The following SYNE1 variants were observed in gnomAD, a reference collection of about 807,000 sequenced individuals.
SYNE1 encodes nesprin-1.
SYNE1 carries 616 observed loss-of-function variants against 1,111.0 expected under a neutral mutation model. The observed-to-expected ratio is 0.55, with a 90% CI of 0.52 to 0.59. The LOEUF is 0.59. Among genes scored for constraint, SYNE1 ranks in the 20% least tolerant of loss-of-function variants. The probability of loss-of-function intolerance (pLI) is 0.00; values close to 1 mark genes in which losing one functional copy is unlikely to be tolerated. For synonymous variants in SYNE1, 3,855 were observed against 3,825.8 expected (o/e 1.01, Z -0.28); for missense variants, 10,006 against 10,417.0 (o/e 0.96, Z 1.72).
rs1180560616 is a variant in SYNE1, at chr6:152,206,256, T to C, written c.22931A>G (p.Gln7644Arg). Residue 7644 changes from glutamine to arginine, a missense_variant, in exon 126 of 146, where the codon CAG becomes CGG. This residue lies in a region of SYNE1 where 2,182 missense variants were observed against 2,287.8 expected (regional missense o/e 0.95). Coordinates refer to ENST00000367255, the MANE Select transcript of SYNE1 (RefSeq NM_182961.4). Reference sequence around the variant, plus strand: ...CTCTTGGATTTCAGCGAGTTCGGCCTGCAAGGCGGCCTCAGCGCCACTGTC... The same window carrying C: ...CTCTTGGATTTCAGCGAGTTCGGCCCGCAAGGCGGCCTCAGCGCCACTGTC... ...SADSGAEAAL[Q>R]AELAEIQEKW... 4 of 1,613,950 alleles carry C rather than the reference T, an allele frequency of 2.5e-6. No individual in the cohort carries two copies. The highest frequency in any genetic ancestry group is 2.5e-6 in the Non-Finnish European group (3 of 1,180,022).
chr6:152,392,037 C>T (rs565032385), intron 51 of SYNE1, among the ~76,000 whole-genome samples: 1 of 152,232 alleles, frequency 6.6e-6, no homozygotes, highest in South Asian at 2.1e-4. Flanking sequence ...TTCCTAGTTG[C>T]CTGTTCAAAG....
chr6:152,593,395 T>C (rs997155826), intron 3 of SYNE1, among the ~76,000 whole-genome samples: 1 of 152,088 alleles, frequency 6.6e-6, no homozygotes, highest in Non-Finnish European at 1.5e-5. Context: ...CCATCCTGGC[T>C]AACATGGTGA....
chr6:152,456,101 A>G (rs565631308), intron 22 of SYNE1, 57 bp from the exon 23 acceptor site: 259 of 1,572,374 alleles, frequency 1.6e-4, no homozygotes, highest in Middle Eastern at 5.6e-4. Flanking sequence ...TGAGAGAGAA[A>G]GAAAGAGAGT....
chr6:152,276,027 C>CTTTTTTTTTTTTTT (rs2093600414), intron 98 of SYNE1, among the ~76,000 whole-genome samples: 1 of 129,060 alleles, frequency 7.7e-6, no homozygotes, highest in African/African-American at 3.0e-5. Context: ...AAATTCTCGA[C>CTTTTTTTTTTTTTT]TTCTTTTTTT....
At chr6:152,499,310 C>T (rs908122050) in intron 10 of SYNE1, among the ~76,000 whole-genome samples, 10 of 151,766 alleles carry the variant, frequency 6.6e-5, no homozygotes, top group African/African-American at 1.7e-4. Context: ...TGACTGAGTG[C>T]TAATTATTCA....
At position 152,249,282 on chromosome 6, in the gene SYNE1, G is replaced by A; in HGVS notation, c.19471-20C>T. On this transcript the variant is annotated intron_variant, in intron 104 of 145. Transcript: ENST00000367255. ...ATCATTCTAAGGAGGAAAGCAACGG[G>A]AAAACTCAAAATGTGTAACAGGGAA... is the stretch of plus-strand genomic sequence containing the variant. The A allele has an allele frequency of 7.2e-7, 1 of 1,388,612 alleles. No homozygotes were observed. Among genetic ancestry groups the A allele is most frequent in the Non-Finnish European group, 1.0e-6 (1 of 974,396 alleles). The allele number at this position is 1,388,612 out of a possible 1,614,324, so 86.0% of individuals were successfully genotyped here.
rs1041384601 is a variant in SYNE1, at chr6:152,122,164, T to C, written c.*272A>G. The C allele has an allele frequency of 6.1e-6, 3 of 488,540 alleles. No individual in the cohort carries two copies. The highest frequency in any genetic ancestry group is 3.9e-5 in the African/African-American group (2 of 51,178). The allele number at this position is 488,540 out of a possible 1,614,324, so 30.3% of individuals were successfully genotyped here. A position where few individuals can be genotyped will look rare whatever the true frequency, so the allele number is the denominator to read the frequency against. ...CCAGAATTCATGAGTCCGGGGAACT[T>C]TGGAGGTCCTTACTCAATCTCCTTA... On this transcript the variant is annotated 3_prime_UTR_variant, in exon 146 of 146. Transcript: ENST00000367255.
intron 104 of SYNE1, 148 bp downstream of exon 104, chr6:152,254,732 A>T: frequency 2.5e-6 from 2 of 816,000 alleles, no homozygotes; most frequent in Non-Finnish European, 3.9e-6. Context: ...CTAATCCTTT[A>T]ATTCAACCCC....
At chr6:152,495,322 G>A (rs576932555) in intron 11 of SYNE1, among the ~76,000 whole-genome samples, 57 of 152,234 alleles carry the variant, frequency 3.7e-4, no homozygotes, top group Non-Finnish European at 5.6e-4. Context: ...GAAGGCCACC[G>A]CGGTCATCTC....
intron 131 of SYNE1, among the ~76,000 whole-genome samples, chr6:152,162,168 T>C (rs1199542998): frequency 6.6e-6 from 1 of 152,214 alleles, no homozygotes; most frequent in South Asian, 2.1e-4. Flanking sequence ...TCTTCCATTT[T>C]ACAGCTCAAT....
chr6:152,441,938 T>C, intron 31 of SYNE1, 137 bp downstream of exon 31: 5 of 1,034,806 alleles, frequency 4.8e-6, no homozygotes, highest in Non-Finnish European at 7.4e-6. Flanking sequence ...GATTAAAAGA[T>C]GGTTCATGTA....
intron 69 of SYNE1, among the ~76,000 whole-genome samples, chr6:152,352,727 G>A (rs2096764307): frequency 6.6e-6 from 1 of 152,122 alleles, no homozygotes. Flanking sequence ...TTAAAGAAAG[G>A]TTTCTCAAGG....
At chr6:152,322,777 A>T (rs944233590) in intron 82 of SYNE1, among the ~76,000 whole-genome samples, 1 of 152,106 alleles carries the variant, frequency 6.6e-6, no homozygotes, top group Admixed American at 6.6e-5. Flanking sequence ...GCAAAACTCA[A>T]TGCCTAGCTC....
At chr6:152,219,966 A>G (rs1342413147) in intron 119 of SYNE1, among the ~76,000 whole-genome samples, 1 of 152,272 alleles carries the variant, frequency 6.6e-6, no homozygotes, top group Non-Finnish European at 1.5e-5. Context: ...TGTGAGAGAA[A>G]GAAGAACAAA....
intron 108 of SYNE1, among the ~76,000 whole-genome samples, chr6:152,238,221 G>A (rs1284933837): frequency 6.6e-6 from 1 of 152,152 alleles, no homozygotes; most frequent in African/African-American, 2.4e-5. Flanking sequence ...GGTGTCATCA[G>A]GTAAGTTTCA....
At chr6:152,134,035 A>C (rs2056479283) in intron 142 of SYNE1, 1 of 159,510 alleles carries the variant, frequency 6.3e-6, no homozygotes, top group Non-Finnish European at 1.4e-5. Flanking sequence ...TCTGTAGTTT[A>C]GGTGAGTGTT....
chr6:152,338,521 G>A (rs930463258), intron 75 of SYNE1, among the ~76,000 whole-genome samples: 1 of 152,098 alleles, frequency 6.6e-6, no homozygotes, highest in Admixed American at 6.6e-5. Context: ...ATTGGGAGGC[G>A]GAGGTGGGAG....
At position 152,385,733 on chromosome 6, in the gene SYNE1, G is replaced by C. The variant is rs757720748; in HGVS notation, c.8593C>G (p.Arg2865Gly). Reference protein sequence around the residue: ...WLHSAKEELHRWSDMSGDSSA... With the variant: ...WLHSAKEELHGWSDMSGDSSA... ...GAATCTCCAGACATATCTGACCACC[G>C]GTGAAGTTCTTCCTTTGCTGAATGG... The change falls in exon 55 of 146, where the codon CGG becomes GGG. Residue 2865 changes from arginine (R) to glycine (G), a missense_variant. Physicochemically the swap from Arg to Gly is moderately radical, Grantham distance 125. Transcript: ENST00000367255. 6.8e-6 allele frequency: 11 copies of C among 1,613,954 alleles called. 1 individual carries two copies. Among genetic ancestry groups the C allele is most frequent in the South Asian group, 3.3e-5 (3 of 91,076 alleles).
chr6:152,357,713 C>G (rs2096861297), intron 66 of SYNE1, among the ~76,000 whole-genome samples: 1 of 152,234 alleles, frequency 6.6e-6, no homozygotes, highest in Middle Eastern at 3.4e-3. Flanking sequence ...TTCTTGAAGA[C>G]AGAAATCATA....
Sources: allele counts gnomAD v4.1 joint callset (sites outside exome capture counted in the v4.1 genomes callset), GRCh38; gene constraint gnomAD v4.1.1; regional missense constraint gnomAD v4.1.1; transcripts MANE v1.5; gene names NCBI Gene and HGNC (gene_info 2026-07-23, HGNC 2026-07-21).